Variants in TNIP3 observed in about 807,000 individuals in gnomAD.
TNIP3 encodes the protein TNFAIP3 interacting protein 3, also known as TNFAIP3-interacting protein 3.
Under a neutral mutation model 54.1 loss-of-function variants are expected in TNIP3, and 34 were observed. That is an observed-to-expected ratio of 0.63 (90% CI 0.48 to 0.84). The LOEUF is 0.84. Among genes scored for constraint, TNIP3 ranks in the 40% least tolerant of loss-of-function variants. The probability of loss-of-function intolerance (pLI) is 0.00; values close to 1 mark genes in which losing one functional copy is unlikely to be tolerated. For missense variants in TNIP3, 366 were observed against 387.6 expected (o/e 0.94, Z 0.47); for synonymous variants, 134 against 136.8 (o/e 0.98, Z 0.14).
chr4:121,177,980 G>C (rs867476451), intron 3 of TNIP3, among the ~76,000 whole-genome samples: 63 of 152,158 alleles, frequency 4.1e-4, no homozygotes, highest in African/African-American at 1.5e-3. Flanking sequence ...GAATTTACCC[G>C]GGGGAGAGAA....
At chr4:121,170,457 A>T (rs1336736594) in intron 3 of TNIP3, among the ~76,000 whole-genome samples, 2 of 152,206 alleles carry the variant, frequency 1.3e-5, no homozygotes, top group Non-Finnish European at 2.9e-5. Flanking sequence ...GACTGTGAAC[A>T]CACGTTTAAA....
chr4:121,161,059 G>T, intron 2 of TNIP3, 77 bp downstream of exon 2: 1 of 1,153,848 alleles, frequency 8.7e-7, no homozygotes, highest in Non-Finnish European at 1.2e-6. Flanking sequence ...AAAATAAAAG[G>T]CACAAGGATA....
intron 1 of TNIP3, chr4:121,227,333 C>T: frequency 6.6e-7 from 1 of 1,516,942 alleles, no homozygotes; most frequent in Non-Finnish European, 8.8e-7. Flanking sequence ...TACAACCAAC[C>T]CTGGTAAGTA....
intron 1 of TNIP3, among the ~76,000 whole-genome samples, chr4:121,224,389 G>GAAAAAA (rs1242089347): frequency 4.0e-5 from 6 of 151,210 alleles, no homozygotes; most frequent in Non-Finnish European, 7.4e-5. Flanking sequence ...AAAGAAAAAA[G>GAAAAAA]AAAAAGAAAA....
At chr4:121,209,739 T>A (rs959739858) in intron 2 of TNIP3, among the ~76,000 whole-genome samples, 3 of 152,344 alleles carry the variant, frequency 2.0e-5, no homozygotes, top group Non-Finnish European at 4.4e-5. Flanking sequence ...TAGGAAGAGA[T>A]AAATATCAAT....
rs76959364 is a variant in TNIP3 at position 121,202,871 on chromosome 4, T to A, written c.68+13544A>T. On this transcript the variant is annotated intron_variant, in intron 2 of 12. Coordinates refer to the TNIP3 transcript ENST00000507879. ...AGGAAAATGCAAGTCAAAACCAAAATGTAATACCACCTTACTCCTGCAAGA... is the reference window on the plus strand; with the variant it reads ...AGGAAAATGCAAGTCAAAACCAAAAAGTAATACCACCTTACTCCTGCAAGA... Among the ~76,000 whole-genome samples the A allele has an allele frequency of 8.1e-4, 123 of 152,098 alleles. No homozygotes were observed. In the East Asian group the frequency reaches 0.019, roughly 24 times the overall value.
chr4:121,170,019 G>C (rs1397843215), intron 3 of TNIP3, among the ~76,000 whole-genome samples: 1 of 152,172 alleles, frequency 6.6e-6, no homozygotes, highest in East Asian at 1.9e-4. Flanking sequence ...AAAGATTTCT[G>C]AGTGCCCACA....
chr4:121,204,081 C>G (rs867547023), intron 2 of TNIP3, among the ~76,000 whole-genome samples: 2 of 151,802 alleles, frequency 1.3e-5, no homozygotes, highest in Admixed American at 6.6e-5. Context: ...ACATATTGCT[C>G]TAATTATTTT....
At chr4:121,182,875 G>A in intron 2 of TNIP3, 1 of 1,388,934 alleles carries the variant, frequency 7.2e-7, no homozygotes, top group African/African-American at 1.4e-5. Context: ...GTTTATGGAT[G>A]ACATGGAGGT....
intron 4 of TNIP3, among the ~76,000 whole-genome samples, chr4:121,155,844 AAATTT>A (rs1251249232): frequency 2.6e-5 from 4 of 152,238 alleles, no homozygotes; most frequent in Non-Finnish European, 5.9e-5. Flanking sequence ...TATGATTATT[AAATTT>A]AAGAAATCCG....
chr4:121,138,019 G>T, intron 10 of TNIP3: 1 of 451,770 alleles, frequency 2.2e-6, no homozygotes, highest in Non-Finnish European at 4.4e-6. Context: ...GCAGATTCTA[G>T]AAAGAAAACA....
chr4:121,151,225 AT>A (rs1729729673), intron 5 of TNIP3, among the ~76,000 whole-genome samples: 1 of 152,178 alleles, frequency 6.6e-6, no homozygotes. Context: ...GAAAAGGTTC[AT>A]TTTCAGAGAT....
At chr4:121,214,509 T>A (rs28572759) in intron 2 of TNIP3, among the ~76,000 whole-genome samples, 2 of 152,288 alleles carry the variant, frequency 1.3e-5, no homozygotes, top group East Asian at 3.9e-4. Flanking sequence ...ATTCTCCATG[T>A]AGAAGGAAAT....
At chr4:121,212,995 C>T (rs114561932) in intron 2 of TNIP3, among the ~76,000 whole-genome samples, 6,580 of 152,182 alleles carry the variant, frequency 0.043, 467 homozygotes, top group African/African-American at 0.15. Context: ...AAAAATGGAG[C>T]TTTAAGGGAC....
intron 2 of TNIP3, among the ~76,000 whole-genome samples, chr4:121,214,859 C>T (rs1726695752): frequency 1.3e-5 from 2 of 152,076 alleles, no homozygotes; most frequent in East Asian, 3.9e-4. Flanking sequence ...TTATTGTAGA[C>T]CCACAGTCTT....
intron 8 of TNIP3, among the ~76,000 whole-genome samples, 161 bp from the exon 9 acceptor site, chr4:121,142,075 T>C (rs1383671792): frequency 6.6e-6 from 1 of 152,156 alleles, no homozygotes; most frequent in East Asian, 1.9e-4. Context: ...TCAGGACCAA[T>C]ACAAACGAGG....
In TNIP3 at chr4:121,164,069, C is replaced by T. The variant is rs755111543; in HGVS notation, c.57G>A (p.Glu19=). ...SRMIAAESST[E]HKECAEPSTR... Reference sequence around the variant, plus strand: ...AGAAATATGTTCTTACCTCTTTATGCTCCGTAGAACTTTCTGCGGCAATCA... The same window carrying T: ...AGAAATATGTTCTTACCTCTTTATGTTCCGTAGAACTTTCTGCGGCAATCA... The change falls in exon 1 of 11, where the codon GAG becomes GAA. Residue 19 remains glutamate, a synonymous_variant. Transcript: ENST00000057513. The T allele has an allele frequency of 6.2e-7, 1 of 1,613,576 alleles. No homozygotes were observed. The highest frequency in any genetic ancestry group is 1.1e-5 in the South Asian group (1 of 91,040).
rs569055650 is a variant in TNIP3, at chr4:121,208,879, G to A, written c.68+7536C>T. Among the ~76,000 whole-genome samples the A allele has an allele frequency of 7.4e-4, 113 of 152,264 alleles. 3 individuals are homozygous for A. The highest frequency in any genetic ancestry group is 5.6e-3 in the South Asian group (27 of 4,820). The stretch of plus-strand genomic sequence containing the variant: ...TCTGTCAGGGTGGAATCCATGGAGA[G>A]CTTCAGGGTGGGGCCGCCAGAAAGA... On this transcript the variant is annotated intron_variant, in intron 2 of 12. Coordinates refer to the TNIP3 transcript ENST00000507879.
intron 1 of TNIP3, 76 bp from the exon 2 acceptor site, chr4:121,161,292 C>T (rs762208434): frequency 3.0e-6 from 4 of 1,327,130 alleles, no homozygotes; most frequent in Non-Finnish European, 4.1e-6. Context: ...CCTCAGAAAC[C>T]CCATGCATTT....
Sources: allele counts gnomAD v4.1 joint callset (sites outside exome capture counted in the v4.1 genomes callset), GRCh38; gene constraint gnomAD v4.1.1; transcripts MANE v1.5; gene names NCBI Gene and HGNC (gene_info 2026-07-23, HGNC 2026-07-21).